Variants in SCLT1 observed in about 807,000 individuals in gnomAD.
SCLT1 encodes the protein sodium channel-associated protein 1.
In SCLT1, 78 loss-of-function variants were observed where a neutral mutation model predicts 112.8. That is an observed-to-expected ratio of 0.69 (90% CI 0.58 to 0.83). The LOEUF (loss-of-function observed/expected upper bound fraction) is 0.83, where lower values mean the gene tolerates loss of function less well. Ranked by LOEUF, SCLT1 falls within the 40% of genes least tolerant of loss-of-function variation. The pLI is 0.00. For missense variants in SCLT1, 747 were observed against 770.4 expected (o/e 0.97, Z 0.36); for synonymous variants, 257 against 254.7 (o/e 1.01, Z -0.09).
intron 9 of SCLT1, among the ~76,000 whole-genome samples, chr4:128,981,438 T>C (rs1489977352): frequency 6.6e-6 from 1 of 152,178 alleles, no homozygotes; most frequent in Non-Finnish European, 1.5e-5. Flanking sequence ...CCAATTACTC[T>C]TGAAGATAAC....
At position 128,943,020 on chromosome 4, in the gene SCLT1, C is replaced by G; in HGVS notation, c.1608G>C (p.Glu536Asp). 6.2e-7 allele frequency: 1 copy of G among 1,608,836 alleles called. No individual in the cohort carries two copies. The highest frequency in any genetic ancestry group is 8.5e-7 in the Non-Finnish European group (1 of 1,178,024). ...ETESLRKIAL[E>D]AQKKAKVKIS... ...CCTTTACTTTGGCTTTTTTTTGAGC[C>G]TCCAGGGCAATCTTCCTTAAACTCT... The change falls in exon 17 of 21, where the codon GAG (glutamate) becomes GAC (aspartate). Residue 536 changes from glutamate to aspartate, a missense_variant. By Grantham distance (45) the Glu-to-Asp change is conservative (BLOSUM62 2). Transcript: ENST00000281142.
intron 16 of SCLT1, chr4:128,944,930 G>A (rs899585662): frequency 3.3e-5 from 5 of 152,128 alleles, no homozygotes; most frequent in African/African-American, 9.7e-5. Flanking sequence ...TAAAGAAGAT[G>A]GGTTAATCCT....
At chr4:128,915,517 G>T (rs1735406489) in intron 18 of SCLT1, among the ~76,000 whole-genome samples, 1 of 152,140 alleles carries the variant, frequency 6.6e-6, no homozygotes, top group Admixed American at 6.6e-5. Flanking sequence ...TGAGAAACAA[G>T]TTTCATTATA....
At chr4:129,025,713 T>C (rs1024830641) in intron 5 of SCLT1, among the ~76,000 whole-genome samples, 1 of 152,096 alleles carries the variant, frequency 6.6e-6, no homozygotes, top group African/African-American at 2.4e-5. Context: ...TAACTTTAAA[T>C]GCAAATGGAC....
rs1157280775 is a variant in SCLT1 at position 128,917,351 on chromosome 4, G to A, written c.1829+19304C>T. On this transcript the variant is annotated intron_variant, in intron 18 of 20. Transcript: ENST00000281142. ...AATGGTACACAACATATTGATTTTAGTCAAGAAATAATATTAAGATCAACT... is the reference window on the plus strand; with the variant it reads ...AATGGTACACAACATATTGATTTTAATCAAGAAATAATATTAAGATCAACT... Among the ~76,000 whole-genome samples the A allele has an allele frequency of 2.0e-5, 3 of 152,212 alleles. No homozygotes were observed. In the East Asian group the frequency reaches 5.8e-4, roughly 29 times the overall value.
At chr4:128,894,763 C>T (rs1733608678) in intron 18 of SCLT1, among the ~76,000 whole-genome samples, 1 of 152,120 alleles carries the variant, frequency 6.6e-6, no homozygotes, top group South Asian at 2.1e-4. Context: ...ACTGCAACCT[C>T]CGCCTCCCGC....
chr4:129,043,470 A>G lies in SCLT1; in HGVS notation c.162-3T>C. ...CAGTAACAAGAGGAGCTAAAAAGCT[A>G]AAAAAAGACAATAAAAATATAGCAT... On this transcript the variant is annotated splice_region_variant and splice_polypyrimidine_tract_variant and intron_variant, in intron 3 of 20. Coordinates refer to ENST00000281142, the MANE Select transcript of SCLT1 (RefSeq NM_144643.4). 1 of 1,363,316 alleles carries G rather than the reference A, an allele frequency of 7.3e-7. No individual in the cohort carries two copies. Among genetic ancestry groups the G allele is most frequent in the South Asian group, 1.3e-5 (1 of 79,344 alleles). 84.5% of individuals were successfully genotyped at this position (1,363,316 alleles called of 1,614,324 possible). A position where few individuals can be genotyped will look rare whatever the true frequency, so the allele number is the denominator to read the frequency against.
At chr4:129,031,064 T>C (rs1746674654) in intron 5 of SCLT1, among the ~76,000 whole-genome samples, 1 of 152,108 alleles carries the variant, frequency 6.6e-6, no homozygotes, top group African/African-American at 2.4e-5. Flanking sequence ...AAATCCTCAA[T>C]AAAATACTAG....
intron 6 of SCLT1, among the ~76,000 whole-genome samples, chr4:129,003,485 GA>G (rs1472003706): frequency 1.4e-5 from 2 of 144,706 alleles, no homozygotes; most frequent in African/African-American, 2.5e-5. Flanking sequence ...ATTCTCATAA[GA>G]AAAAAACTCA....
At chr4:129,086,368 A>G (rs1195595962) in intron 1 of SCLT1, among the ~76,000 whole-genome samples, 1 of 151,868 alleles carries the variant, frequency 6.6e-6, no homozygotes, top group African/African-American at 2.4e-5. Context: ...GTTTCAATTT[A>G]CTAATATTTT....
intron 5 of SCLT1, among the ~76,000 whole-genome samples, chr4:129,028,847 C>T (rs1192548891): frequency 2.0e-5 from 3 of 151,938 alleles, no homozygotes; most frequent in Non-Finnish European, 4.4e-5. Flanking sequence ...AAAAACCATC[C>T]CATCAAAAAG....
chr4:128,947,191 T>C (rs1262782152), intron 15 of SCLT1, among the ~76,000 whole-genome samples: 5 of 152,212 alleles, frequency 3.3e-5, no homozygotes, highest in Non-Finnish European at 7.3e-5. Flanking sequence ...GGCGCTGTGC[T>C]TTCTCTTTAC....
At chr4:128,899,429 G>T (rs1437603519) in intron 18 of SCLT1, among the ~76,000 whole-genome samples, 1 of 152,088 alleles carries the variant, frequency 6.6e-6, no homozygotes, top group Non-Finnish European at 1.5e-5. Context: ...AAAACCATAA[G>T]ATTATCTCAA....
chr4:128,928,834 CAAA>C (rs34182741), intron 18 of SCLT1, among the ~76,000 whole-genome samples: 66 of 146,664 alleles, frequency 4.5e-4, no homozygotes, highest in East Asian at 3.4e-3. Context: ...CTCCGTCTCG[CAAA>C]AAAAAAAAAA....
intron 14 of SCLT1, 53 bp downstream of exon 14, chr4:128,952,716 G>T: frequency 1.0e-6 from 1 of 964,364 alleles, no homozygotes; most frequent in Non-Finnish European, 1.7e-6. Flanking sequence ...TATATATCTT[G>T]GCCTTTAAAA....
chr4:129,020,454 A>C (rs373641696), intron 5 of SCLT1, among the ~76,000 whole-genome samples: 5 of 152,252 alleles, frequency 3.3e-5, no homozygotes, highest in African/African-American at 1.2e-4. Context: ...TCCTATCAAC[A>C]GCTGACTGGT....
At chr4:129,055,943 G>T (rs954815874) in intron 2 of SCLT1, among the ~76,000 whole-genome samples, 1 of 152,174 alleles carries the variant, frequency 6.6e-6, no homozygotes, top group African/African-American at 2.4e-5. Flanking sequence ...AGGCAACAAG[G>T]GAATCTCCTG....
At chr4:128,902,448 A>G (rs1431557160) in intron 18 of SCLT1, among the ~76,000 whole-genome samples, 1 of 152,224 alleles carries the variant, frequency 6.6e-6, no homozygotes, top group Non-Finnish European at 1.5e-5. Context: ...CCTGTACAGC[A>G]TGTTACTGTA....
At chr4:128,879,276 G>A (rs1406314854), downstream of SCLT1, among the ~76,000 whole-genome samples, 1 of 152,190 alleles carries the variant, frequency 6.6e-6, no homozygotes, top group Non-Finnish European at 1.5e-5. Context: ...CTGGTAAGAT[G>A]ATGAGGGTCA....
Sources: allele counts gnomAD v4.1 joint callset (sites outside exome capture counted in the v4.1 genomes callset), GRCh38; gene constraint gnomAD v4.1.1; transcripts MANE v1.5; gene names NCBI Gene and HGNC (gene_info 2026-07-23, HGNC 2026-07-21).